Variants in NFATC1 observed in about 807,000 individuals in gnomAD.
NFATC1 encodes the protein nuclear factor of activated T cells 1, also known as nuclear factor of activated T-cells, cytoplasmic 1.
NFATC1 carries 22 observed loss-of-function variants against 76.0 expected under a neutral mutation model. That is an observed-to-expected ratio of 0.29 (90% confidence interval 0.21 to 0.41). The LOEUF (loss-of-function observed/expected upper bound fraction) is 0.41, where lower values mean the gene tolerates loss of function less well. Ranked by LOEUF, NFATC1 falls within the 10% of genes least tolerant of loss-of-function variation. NFATC1 has a pLI of 1.00. For missense variants in NFATC1, 1,357 were observed against 1,337.7 expected, an observed-to-expected ratio of 1.01 and a Z score of -0.23; for synonymous variants, 704 against 613.1, an observed-to-expected ratio of 1.15 and a Z score of -2.19.
At chr18:79,485,689 C>T (rs893646280) in intron 8 of NFATC1, among the ~76,000 whole-genome samples, 2 of 152,236 alleles carry the variant, frequency 1.3e-5, no homozygotes, top group South Asian at 4.1e-4. Context: ...ACAGCCTCCA[C>T]ACAGCCTGTC....
rs572183402 is a variant in NFATC1 at position 79,464,087 on chromosome 18, TTTTG to T, written c.1959+2729_1959+2732del. Among the ~76,000 whole-genome samples, 45 of 152,298 alleles carry T rather than the reference TTTTG, an allele frequency of 3.0e-4. No individual in the cohort carries two copies. The East Asian group carries it at 6.2e-3, about 21-fold the overall frequency. The stretch of plus-strand genomic sequence containing the variant: ...GTGTACTTCAAGTTTACTGGTTGTT[TTTTG>T]TTTGTTTTTTGTTTTTTTGAGACAG... On this transcript the variant is annotated intron_variant, in intron 7 of 9. Coordinates refer to ENST00000427363, the MANE Select transcript of NFATC1 (RefSeq NM_001278669.2).
chr18:79,424,797 C>T (rs1442353739), intron 2 of NFATC1, among the ~76,000 whole-genome samples: 1 of 112,424 alleles, frequency 8.9e-6, no homozygotes, highest in Non-Finnish European at 1.9e-5. Flanking sequence ...CTCTGACTCT[C>T]TGTGTCTGTC....
Position 79,410,833 on chromosome 18 carries a change from C to G in NFATC1, c.558C>G (p.Ala186=). Residue 186 remains alanine (A), a synonymous_variant, in exon 2 of 10, where the codon GCC becomes GCG. Transcript: ENST00000427363. This position sits in a 1 kb window ranked among gnomAD's most constrained non-coding sequence, Gnocchi z 6.7. The stretch of plus-strand genomic sequence containing the variant: ...CCTCCCGGAGCTGCAACTCAGAGGC[C>G]TCCTCCTACGAGTCCAACTACTCGT... ...SLSSRSCNSE[A]SSYESNYSYP... The G allele has an allele frequency of 6.2e-7, 1 of 1,611,612 alleles. No individual in the cohort carries two copies. Among genetic ancestry groups the G allele is most frequent in the Non-Finnish European group, 8.5e-7 (1 of 1,179,370 alleles).
intron 9 of NFATC1, among the ~76,000 whole-genome samples, chr18:79,512,644 G>C (rs558664949): frequency 2.0e-5 from 3 of 152,078 alleles, no homozygotes; most frequent in African/African-American, 7.2e-5. Flanking sequence ...GGTGGGCCCC[G>C]TGTGCCTCCC....
intron 9 of NFATC1, among the ~76,000 whole-genome samples, chr18:79,491,382 G>T (rs1251066640): frequency 6.6e-6 from 1 of 152,210 alleles, no homozygotes; most frequent in Non-Finnish European, 1.5e-5. Flanking sequence ...TGCGTGCCAA[G>T]TGTCCTCAGC....
At chr18:79,458,550 G>C (rs373253390) in intron 6 of NFATC1, among the ~76,000 whole-genome samples, 3 of 152,256 alleles carry the variant, frequency 2.0e-5, no homozygotes, top group Non-Finnish European at 4.4e-5. Flanking sequence ...AACCTCGCGG[G>C]TGTGGCAGGG....
At position 79,432,246 on chromosome 18, in the gene NFATC1, G is replaced by A. The variant is rs1226750330; in HGVS notation, c.1227-1333G>A. On this transcript the variant is annotated intron_variant, in intron 2 of 9. Coordinates refer to ENST00000427363, the MANE Select transcript of NFATC1 (RefSeq NM_001278669.2). ...AATTGAGTCCTGGCCAGAGGGGCTG[G>A]TTCTGAAGATGGGGGAGTCACAGGC... Among the ~76,000 whole-genome samples the A allele has an allele frequency of 3.9e-5, 6 of 152,364 alleles. No individual in the cohort carries two copies. In the South Asian group the frequency reaches 8.3e-4, roughly 21 times the overall value.
chr18:79,522,593 G>A (rs566582831), intron 9 of NFATC1, among the ~76,000 whole-genome samples: 1 of 152,004 alleles, frequency 6.6e-6, no homozygotes, highest in South Asian at 2.1e-4. Context: ...GGCGCACACC[G>A]CAGGAAAGGA....
intron 9 of NFATC1, among the ~76,000 whole-genome samples, chr18:79,508,232 G>A (rs1191537064): frequency 6.6e-6 from 1 of 152,082 alleles, no homozygotes; most frequent in Non-Finnish European, 1.5e-5. Context: ...AGGGAGGGAG[G>A]GACGGACGGA....
At chr18:79,402,419 A>G (rs2148143212) in intron 1 of NFATC1, 1 of 984,018 alleles carries the variant, frequency 1.0e-6, no homozygotes, top group African/African-American at 1.7e-5. Flanking sequence ...CACCGGGCTC[A>G]TTCCCCCAAA....
At position 79,411,066 on chromosome 18, in the gene NFATC1, A is replaced by G. The variant is rs1252178216; in HGVS notation, c.791A>G (p.Asn264Ser). The change falls in exon 2 of 10, where the codon AAC becomes AGC. Residue 264 changes from asparagine to serine, a missense_variant. Physicochemically the swap from Asn to Ser is conservative, Grantham distance 46 (BLOSUM62 1). Coordinates refer to ENST00000427363, the MANE Select transcript of NFATC1 (RefSeq NM_001278669.2). ...ARSSRPASPC[N>S]KRKYSLNGRQ... is the part of the protein sequence containing the mutation. The stretch of plus-strand genomic sequence containing the variant: ...TCCTCCAGACCCGCGTCCCCTTGCA[A>G]CAAGAGGAAGTACAGCCTCAACGGC... 1.2e-5 allele frequency: 19 copies of G among 1,611,726 alleles called. No individual in the cohort carries two copies. In the East Asian group the frequency reaches 4.2e-4, roughly 36 times the overall value.
intron 9 of NFATC1, among the ~76,000 whole-genome samples, chr18:79,511,493 G>A (rs915327488): frequency 1.1e-4 from 16 of 152,208 alleles, no homozygotes; most frequent in Non-Finnish European, 2.4e-4. Flanking sequence ...CCAGGGGAGG[G>A]CGGCACAGGT....
At chr18:79,472,229 T>C (rs915346279) in intron 8 of NFATC1, among the ~76,000 whole-genome samples, 5 of 152,098 alleles carry the variant, frequency 3.3e-5, no homozygotes, top group Admixed American at 2.6e-4. Flanking sequence ...CTGGGGGCTT[T>C]CTCTGCTGGC....
At position 79,411,121 on chromosome 18, in the gene NFATC1, G is replaced by C. The variant is rs746768849; in HGVS notation, c.846G>C (p.Ser282=). 2 of 1,612,084 alleles carry C rather than the reference G, an allele frequency of 1.2e-6. No individual in the cohort carries two copies. The highest frequency in any genetic ancestry group is 1.7e-5 in the Admixed American group (1 of 59,972). Residue 282 remains serine, a synonymous_variant, in exon 2 of 10, where the codon TCG becomes TCC. Coordinates refer to ENST00000427363, the MANE Select transcript of NFATC1 (RefSeq NM_001278669.2). ...AGCCGCCCTACTCACCCCACCACTCGCCCACGCCGTCCCCGCACGGCTCCC... is the reference window on the plus strand; with the variant it reads ...AGCCGCCCTACTCACCCCACCACTCCCCCACGCCGTCCCCGCACGGCTCCC... ...GRQPPYSPHH[S]PTPSPHGSPR... is the part of the protein sequence containing the mutation.
intron 3 of NFATC1, among the ~76,000 whole-genome samples, chr18:79,436,539 G>A (rs1028039290): frequency 5.3e-5 from 8 of 152,230 alleles, no homozygotes; most frequent in African/African-American, 1.9e-4. Context: ...CGCACCCGGC[G>A]TCCGCGTCCT....
At chr18:79,423,432 C>T (rs981116084) in intron 2 of NFATC1, among the ~76,000 whole-genome samples, 1 of 152,226 alleles carries the variant, frequency 6.6e-6, no homozygotes, top group South Asian at 2.1e-4. Context: ...GCGTCCTGGG[C>T]TCCCTCCCAT....
intron 3 of NFATC1, among the ~76,000 whole-genome samples, chr18:79,438,170 C>G (rs1241453954): frequency 1.3e-5 from 2 of 152,244 alleles, no homozygotes; most frequent in Non-Finnish European, 2.9e-5. Context: ...CTCTGCCTTG[C>G]TTTCCTCCTC....
At chr18:79,422,763 A>G (rs1568940676) in intron 2 of NFATC1, 1 of 152,236 alleles carries the variant, frequency 6.6e-6, no homozygotes, top group Non-Finnish European at 1.5e-5. Context: ...CTTGAGCTGC[A>G]AGGAATGTTT....
intron 8 of NFATC1, among the ~76,000 whole-genome samples, chr18:79,482,701 GT>G (rs1442291984): frequency 6.8e-5 from 9 of 132,006 alleles, no homozygotes; most frequent in African/African-American, 2.0e-4. Context: ...GCATGACCTG[GT>G]TCCTGGGGTG....
Sources: allele counts gnomAD v4.1 joint callset (sites outside exome capture counted in the v4.1 genomes callset), GRCh38; gene constraint gnomAD v4.1.1; non-coding constraint Gnocchi (gnomAD v3.1); transcripts MANE v1.5; gene names NCBI Gene and HGNC (gene_info 2026-07-23, HGNC 2026-07-21).